Variants in CCDC138 observed in about 807,000 individuals in gnomAD.
CCDC138 encodes the protein coiled-coil domain containing 138, also known as coiled-coil domain-containing protein 138.
In CCDC138, 66 loss-of-function variants were observed where a neutral mutation model predicts 82.3. The observed-to-expected ratio is 0.80, with a 90% CI of 0.66 to 0.98. The LOEUF is 0.98. Among genes scored for constraint, CCDC138 ranks in the 50% least tolerant of loss-of-function variants. CCDC138 has a pLI of 0.00. For missense variants in CCDC138, 816 were observed against 758.9 expected (o/e 1.08, Z -0.88); for synonymous variants, 297 against 265.4 (o/e 1.12, Z -1.16).
At chr2:108,866,644 G>T (rs1049021460) in intron 13 of CCDC138, among the ~76,000 whole-genome samples, 1 of 152,148 alleles carries the variant, frequency 6.6e-6, no homozygotes, top group Admixed American at 6.5e-5. Flanking sequence ...CAGCACTTTG[G>T]GAGGCTGAGG....
Position 108,856,955 on chromosome 2 carries a change from A to T in CCDC138, c.1678A>T (p.Met560Leu), listed in dbSNP as rs748797670. Residue 560 changes from methionine to leucine, a missense_variant, in exon 13 of 15, where the codon ATG becomes TTG. Met to Leu is a conservative substitution (Grantham distance 15). Transcript: ENST00000295124. ...TAATGTTATTGATAGTTTGCTCCAGATGACGGTGGAATCTAGTAAGTTTTT... is the reference window on the plus strand; with the variant it reads ...TAATGTTATTGATAGTTTGCTCCAGTTGACGGTGGAATCTAGTAAGTTTTT... ...LSNVIDSLLQMTVESKSLQPF... is the reference protein window; with the variant it reads ...LSNVIDSLLQLTVESKSLQPF... 6.3e-6 allele frequency: 10 copies of T among 1,587,960 alleles called. 1 individual carries two copies. The South Asian group carries it at 1.0e-4, about 16-fold the overall frequency.
intron 5 of CCDC138, among the ~76,000 whole-genome samples, chr2:108,797,506 C>A (rs1303928441): frequency 2.0e-5 from 3 of 151,822 alleles, no homozygotes; most frequent in African/African-American, 7.3e-5. Context: ...GAGACCTCAG[C>A]AAATGTAGAT....
chr2:108,847,315 A>G (rs1690663101), intron 12 of CCDC138, among the ~76,000 whole-genome samples: 1 of 152,114 alleles, frequency 6.6e-6, no homozygotes, highest in Admixed American at 6.6e-5. Flanking sequence ...TTCTCCCACA[A>G]CCATGCTCAT....
At position 108,798,447 on chromosome 2, in the gene CCDC138, A is replaced by G. The variant is rs915695028; in HGVS notation, c.596A>G (p.Gln199Arg). The G allele has an allele frequency of 6.2e-7, 1 of 1,613,110 alleles. No individual in the cohort carries two copies. The highest frequency in any genetic ancestry group is 8.5e-7 in the Non-Finnish European group (1 of 1,179,706). Residue 199 changes from glutamine (Q) to arginine (R), a missense_variant, in exon 6 of 15, where the codon CAG (glutamine) becomes CGG (arginine). Coordinates refer to ENST00000295124, the MANE Select transcript of CCDC138 (RefSeq NM_144978.3). ...LKLQCETAAQ[Q>R]KFAEELQKRE... The stretch of plus-strand genomic sequence containing the variant: ...ATACAGTGTGAAACTGCAGCACAAC[A>G]GAAATTTGCTGAAGAACTTCAAAAG...
chr2:108,818,243 G>A (rs540503914), intron 10 of CCDC138, among the ~76,000 whole-genome samples: 2 of 152,228 alleles, frequency 1.3e-5, no homozygotes, highest in East Asian at 3.9e-4. Context: ...GGGGGTCGAG[G>A]CTGCAGTGAG....
At chr2:108,846,009 AT>A (rs1690407301) in intron 11 of CCDC138, among the ~76,000 whole-genome samples, 1 of 151,954 alleles carries the variant, frequency 6.6e-6, no homozygotes, top group African/African-American at 2.4e-5. Context: ...CTAACCCAGT[AT>A]TTTACTGTTT....
intron 12 of CCDC138, among the ~76,000 whole-genome samples, chr2:108,850,830 A>C (rs946757633): frequency 2.0e-5 from 3 of 151,824 alleles, no homozygotes; most frequent in African/African-American, 7.3e-5. Context: ...ACATGACAAT[A>C]ATCATCCACA....
At chr2:108,807,614 T>TTTTTG (rs1445420804) in intron 7 of CCDC138, among the ~76,000 whole-genome samples, 1 of 152,204 alleles carries the variant, frequency 6.6e-6, no homozygotes. Flanking sequence ...CTGGTTCTTC[T>TTTTTG]TTTTGTTTTG....
At chr2:108,788,802 T>C (rs1679403816) in intron 2 of CCDC138, 50 bp from the exon 3 acceptor site, 2 of 1,608,694 alleles carry the variant, frequency 1.2e-6, no homozygotes, top group South Asian at 2.2e-5. Flanking sequence ...GCCAGATATT[T>C]TGTGATATAT....
intron 5 of CCDC138, among the ~76,000 whole-genome samples, chr2:108,796,581 G>C (rs948517078): frequency 6.6e-6 from 1 of 152,170 alleles, no homozygotes; most frequent in Non-Finnish European, 1.5e-5. Context: ...GTCAGTCTCA[G>C]TGTCCATTGG....
chr2:108,880,800 G>A (rs1312711155), downstream of CCDC138, among the ~76,000 whole-genome samples: 1 of 152,126 alleles, frequency 6.6e-6, no homozygotes, highest in Non-Finnish European at 1.5e-5. Flanking sequence ...AGTGCACCCA[G>A]TGACCAAAGA....
At chr2:108,875,570 G>A (rs1222265865) in intron 14 of CCDC138, among the ~76,000 whole-genome samples, 1 of 152,104 alleles carries the variant, frequency 6.6e-6, no homozygotes, top group Non-Finnish European at 1.5e-5. Context: ...TTGTAAAATG[G>A]TTCCAGGCTG....
chr2:108,830,667 G>A (rs1313679890), intron 10 of CCDC138, among the ~76,000 whole-genome samples: 1 of 151,918 alleles, frequency 6.6e-6, no homozygotes, highest in African/African-American at 2.4e-5. Flanking sequence ...AACTAGCTGG[G>A]TGTTGTGGTG....
intron 12 of CCDC138, among the ~76,000 whole-genome samples, chr2:108,855,734 G>A (rs1157434696): frequency 2.0e-5 from 3 of 152,084 alleles, no homozygotes; most frequent in Admixed American, 2.0e-4. Context: ...CTTCACACAA[G>A]TTATTCTAAA....
At chr2:108,821,625 G>A (rs537079612) in intron 10 of CCDC138, among the ~76,000 whole-genome samples, 403 of 152,126 alleles carry the variant, frequency 2.6e-3, no homozygotes, top group African/African-American at 9.0e-3. Flanking sequence ...AAAACATACA[G>A]AAAAAAATTA....
intron 10 of CCDC138, among the ~76,000 whole-genome samples, chr2:108,817,397 A>G (rs985586070): frequency 6.6e-6 from 1 of 151,558 alleles, no homozygotes; most frequent in South Asian, 2.1e-4. Context: ...GGTTCAAGTG[A>G]TTCTCCTGCC....
At chr2:108,872,804 C>T (rs1352005329) in intron 13 of CCDC138, among the ~76,000 whole-genome samples, 1 of 152,206 alleles carries the variant, frequency 6.6e-6, no homozygotes, top group African/African-American at 2.4e-5. Context: ...AGCATTCAAA[C>T]TACAGCATTC....
chr2:108,812,458 A>G (rs1304560880), intron 7 of CCDC138, 173 bp from the exon 8 acceptor site: 1 of 154,698 alleles, frequency 6.5e-6, no homozygotes, highest in Admixed American at 6.5e-5. Context: ...AACCATTAAT[A>G]TTTTAGGGAA....
Position 108,839,212 on chromosome 2 carries a change from C to G in CCDC138, c.1234C>G (p.Gln412Glu). 1 of 1,611,534 alleles carries G rather than the reference C, an allele frequency of 6.2e-7. No individual in the cohort carries two copies. The highest frequency in any genetic ancestry group is 8.5e-7 in the Non-Finnish European group (1 of 1,178,532). ...KLLPLMTEQL[Q>E]WMPFVNIKLH... ...TTTGCCTCTAATGACAGAGCAGCTA[C>G]AGTGGATGCCATTTGTGAATATCAA... Residue 412 changes from glutamine to glutamate, a missense_variant, in exon 11 of 15, where the codon CAG (glutamine) becomes GAG (glutamate). Physicochemically the swap from Gln to Glu is conservative, Grantham distance 29. Transcript: ENST00000295124.
Sources: gnomAD v4.1 joint callset for allele counts (sites outside exome capture counted in the v4.1 genomes callset) on GRCh38, gnomAD v4.1.1 for gene constraint, MANE v1.5 for transcripts, NCBI Gene and HGNC (gene_info 2026-07-23, HGNC 2026-07-21) for gene names.